Variants in ITPR1 observed in about 807,000 individuals in gnomAD.
ITPR1 encodes inositol 1,4,5-trisphosphate-gated calcium channel ITPR1.
A neutral mutation model predicts 318.4 loss-of-function variants in ITPR1; 96 were observed. That is an observed-to-expected ratio of 0.30 (90% confidence interval 0.26 to 0.36). ITPR1 has a LOEUF of 0.36. ITPR1 is among the 10% of genes least tolerant of loss of function. The pLI, the probability that ITPR1 is intolerant of heterozygous loss-of-function variation, is 1.00. For synonymous variants in ITPR1, 1,312 were observed against 1,289.9 expected, an observed-to-expected ratio of 1.02 and a Z score of -0.37; for missense variants, 2,440 against 3,460.2, an observed-to-expected ratio of 0.71 and a Z score of 7.40.
At chr3:4,658,876 A>G (rs1022018698) in intron 13 of ITPR1, among the ~76,000 whole-genome samples, 18 of 152,158 alleles carry the variant, frequency 1.2e-4, no homozygotes, top group Admixed American at 9.8e-4. Flanking sequence ...AATGGCTGAC[A>G]CTTATTGAGC....
intron 4 of ITPR1, among the ~76,000 whole-genome samples, chr3:4,539,745 TAAG>T: frequency 6.6e-6 from 1 of 152,080 alleles, no homozygotes; most frequent in Non-Finnish European, 1.5e-5. Flanking sequence ...GATGGCTTTA[TAAG>T]AAGAGGAAGA....
chr3:4,795,496 A>G (rs2047840456), intron 53 of ITPR1, among the ~76,000 whole-genome samples: 1 of 152,248 alleles, frequency 6.6e-6, no homozygotes, highest in African/African-American at 2.4e-5. Context: ...CAGAGCAGTT[A>G]AGAAATCAGG....
rs757027378 is a variant in ITPR1, at chr3:4,706,152, C to T, written c.4658-15C>T. 1 of 1,613,986 alleles carries T rather than the reference C, an allele frequency of 6.2e-7. No homozygotes were observed. Among genetic ancestry groups the T allele is most frequent in the South Asian group, 1.1e-5 (1 of 91,080 alleles). On this transcript the variant is annotated splice_polypyrimidine_tract_variant and intron_variant, in intron 36 of 61. Coordinates refer to ENST00000649015, the MANE Select transcript of ITPR1 (RefSeq NM_001378452.1). The stretch of plus-strand genomic sequence containing the variant: ...TAAAAGTTGTAGGCTCACGACTCAT[C>T]TTTCTCCTGTGCAGCCAAGAGCCGG...
intron 30 of ITPR1, 103 bp downstream of exon 30, chr3:4,685,309 C>A: frequency 1.7e-6 from 2 of 1,194,884 alleles, no homozygotes; most frequent in Non-Finnish European, 2.3e-6. Flanking sequence ...GAAATGCATC[C>A]AGTGTGACTA....
chr3:4,599,319 C>T (rs578089514), intron 4 of ITPR1, among the ~76,000 whole-genome samples: 6 of 152,290 alleles, frequency 3.9e-5, no homozygotes, highest in Non-Finnish European at 5.9e-5. Context: ...CTCCTGCTCA[C>T]GCTTGTTTTT....
At chr3:4,582,272 A>C (rs1270654840) in intron 4 of ITPR1, among the ~76,000 whole-genome samples, 1 of 152,138 alleles carries the variant, frequency 6.6e-6, no homozygotes, top group Non-Finnish European at 1.5e-5. Context: ...ACTTGTTCGA[A>C]CATGCCAAAG....
intron 10 of ITPR1, among the ~76,000 whole-genome samples, chr3:4,651,023 T>C (rs2093585923): frequency 6.6e-6 from 1 of 152,182 alleles, no homozygotes; most frequent in Non-Finnish European, 1.5e-5. Context: ...CCAGGTGTTG[T>C]GTAGAGTTAA....
In ITPR1 at chr3:4,653,827, ATTCTTT is replaced by A; in HGVS notation, c.952-11_952-6del. On this transcript the variant is annotated splice_polypyrimidine_tract_variant and intron_variant, in intron 11 of 61. Coordinates refer to ENST00000649015, the MANE Select transcript of ITPR1 (RefSeq NM_001378452.1). Reference sequence around the variant, plus strand: ...CAATGGATGTTTTAATTTCCTAATGATTCTTTTTCATCAGGTAGACCCTGACTTTGA... The same window carrying A: ...CAATGGATGTTTTAATTTCCTAATGATTCATCAGGTAGACCCTGACTTTGA... 6.2e-7 allele frequency: 1 copy of A among 1,600,096 alleles called. No individual in the cohort carries two copies. Among genetic ancestry groups the A allele is most frequent in the Non-Finnish European group, 8.5e-7 (1 of 1,170,310 alleles).
In ITPR1 at chr3:4,735,321, T is replaced by C. The variant is rs760724938; in HGVS notation, c.5511T>C (p.Ile1837=). Residue 1837 remains isoleucine (I), a synonymous_variant, in exon 44 of 62, where the codon ATT becomes ATC. Coordinates refer to ENST00000649015, the MANE Select transcript of ITPR1 (RefSeq NM_001378452.1). The part of the protein sequence containing the change: ...RVFHESILLA[I]ALLEGGNTTI... ...TCCATGAAAGCATTCTCCTGGCCATTGCCCTTCTGGAAGGAGGCAACACCA... is the reference window on the plus strand; with the variant it reads ...TCCATGAAAGCATTCTCCTGGCCATCGCCCTTCTGGAAGGAGGCAACACCA... 6.2e-7 allele frequency: 1 copy of C among 1,613,954 alleles called. No homozygotes were observed. The highest frequency in any genetic ancestry group is 1.1e-5 in the South Asian group (1 of 91,078).
At chr3:4,529,646 A>G (rs1455979417) in intron 4 of ITPR1, among the ~76,000 whole-genome samples, 2 of 152,206 alleles carry the variant, frequency 1.3e-5, no homozygotes, top group East Asian at 3.9e-4. Flanking sequence ...GCACAACCCC[A>G]GTTTCTACTC....
intron 4 of ITPR1, among the ~76,000 whole-genome samples, chr3:4,545,483 C>A (rs2084886069): frequency 6.6e-6 from 1 of 151,922 alleles, no homozygotes; most frequent in Non-Finnish European, 1.5e-5. Context: ...ATTTGTTGGG[C>A]TTGGTGGCAC....
chr3:4,601,499 CAAAAA>C (rs33950775), intron 4 of ITPR1, among the ~76,000 whole-genome samples: 3 of 131,584 alleles, frequency 2.3e-5, no homozygotes, highest in African/African-American at 5.3e-5. Context: ...GACCCTGTCT[CAAAAA>C]AAAAAAAAAA....
chr3:4,821,549 T>TC (rs2049718646), intron 60 of ITPR1, among the ~76,000 whole-genome samples: 1 of 152,218 alleles, frequency 6.6e-6, no homozygotes, highest in East Asian at 1.9e-4. Context: ...AAACCCAGGC[T>TC]GACTTGGAAA....
intron 28 of ITPR1, 102 bp from the exon 29 acceptor site, chr3:4,684,179 T>C: frequency 2.6e-6 from 2 of 770,292 alleles, no homozygotes; most frequent in Middle Eastern, 2.2e-4. Context: ...TGTAAAACAG[T>C]ATAGAACTCC....
At chr3:4,670,419 T>C (rs1429115543) in intron 19 of ITPR1, among the ~76,000 whole-genome samples, 2 of 152,190 alleles carry the variant, frequency 1.3e-5, no homozygotes, top group Non-Finnish European at 2.9e-5. Flanking sequence ...TGCTAGGCAC[T>C]GTAAAATGTT....
chr3:4,659,019 G>T (rs972569637), intron 13 of ITPR1, among the ~76,000 whole-genome samples: 2 of 152,184 alleles, frequency 1.3e-5, no homozygotes, highest in Non-Finnish European at 2.9e-5. Context: ...GGCTCAGAGA[G>T]TTTAAGCAAC....
rs551728597 is a variant in ITPR1, at chr3:4,798,350, G to A, written c.6932-2075G>A. On this transcript the variant is annotated intron_variant, in intron 53 of 61. Coordinates refer to ENST00000649015, the MANE Select transcript of ITPR1 (RefSeq NM_001378452.1). ...TGAATGGCCAGTAAGCACATGAAACGATGTTGAGCATCACTAGTTATCAGG... is the reference window on the plus strand; with the variant it reads ...TGAATGGCCAGTAAGCACATGAAACAATGTTGAGCATCACTAGTTATCAGG... Among the ~76,000 whole-genome samples the A allele has an allele frequency of 1.1e-4, 16 of 152,318 alleles. No homozygotes were observed. The East Asian group carries it at 2.1e-3, about 20-fold the overall frequency.
chr3:4,842,751 AT>A (rs891244613), intron 61 of ITPR1, among the ~76,000 whole-genome samples: 1 of 152,028 alleles, frequency 6.6e-6, no homozygotes, highest in South Asian at 2.1e-4. Context: ...GTTACCATAG[AT>A]TTTTTTTACT....
intron 61 of ITPR1, among the ~76,000 whole-genome samples, chr3:4,842,390 C>T (rs945246074): frequency 4.6e-5 from 7 of 152,158 alleles, no homozygotes; most frequent in African/African-American, 1.4e-4. Flanking sequence ...GTTTTTGAGA[C>T]GGAGTCTCCC....
Sources: allele counts gnomAD v4.1 joint callset (sites outside exome capture counted in the v4.1 genomes callset), GRCh38; gene constraint gnomAD v4.1.1; transcripts MANE v1.5; gene names NCBI Gene and HGNC (gene_info 2026-07-23, HGNC 2026-07-21).